ZNF471: variants seen among roughly 807,000 people sequenced by gnomAD.
ZNF471 encodes the protein EZFIT-related protein 1.
ZNF471 carries 7 observed loss-of-function variants against 13.7 expected under a neutral mutation model. The ratio of observed to expected loss-of-function variants is 0.51; its 90% confidence interval spans 0.29 to 0.96. The LOEUF is 0.96. ZNF471 is among the 40% of genes least tolerant of loss of function. ZNF471 has a pLI of 0.08. For synonymous variants in ZNF471, 218 were observed against 235.6 expected, an observed-to-expected ratio of 0.93 and a Z score of 0.68; for missense variants, 663 against 743.3, an observed-to-expected ratio of 0.89 and a Z score of 1.26.
rs1205642080 is a variant in ZNF471, at chr19:56,524,707, A to C, written c.640A>C (p.Thr214Pro). 1 of 1,584,576 alleles carries C rather than the reference A, an allele frequency of 6.3e-7. No homozygotes were observed. Among genetic ancestry groups the C allele is most frequent in the Non-Finnish European group, 8.5e-7 (1 of 1,170,952 alleles). ...KLFKCNECDKTFTHSSSLTVH... is the reference protein window; with the variant it reads ...KLFKCNECDKPFTHSSSLTVH... Reference sequence around the variant, plus strand: ...TTTTAAATGTAATGAATGTGACAAAACCTTCACCCATAGCTCATCCCTTAC... The same window carrying C: ...TTTTAAATGTAATGAATGTGACAAACCCTTCACCCATAGCTCATCCCTTAC... The change falls in exon 5 of 5, where the codon ACC (threonine) becomes CCC (proline). Residue 214 changes from threonine (T) to proline (P), a missense_variant. Coordinates refer to ENST00000308031, the MANE Select transcript of ZNF471 (RefSeq NM_020813.4). This position sits in a 1 kb window ranked among gnomAD's most constrained non-coding sequence, Gnocchi z 4.8.
chr19:56,511,791 T>C (rs1568471433), intron 2 of ZNF471, among the ~76,000 whole-genome samples, 187 bp downstream of exon 2: 1 of 152,246 alleles, frequency 6.6e-6, no homozygotes, highest in Non-Finnish European at 1.5e-5. Flanking sequence ...TAAAAAGTCA[T>C]GGAGGTCCCT....
chr19:56,528,689 C>T lies in ZNF471; in HGVS notation c.*2741C>T. Reference sequence around the variant, plus strand: ...ATTAATTATGACTTGATAAATAGAACATGTTTTAAGAAGTGGCTATATAGC... The same window carrying T: ...ATTAATTATGACTTGATAAATAGAATATGTTTTAAGAAGTGGCTATATAGC... On this transcript the variant is annotated 3_prime_UTR_variant, in exon 5 of 5. Coordinates refer to ENST00000308031, the MANE Select transcript of ZNF471 (RefSeq NM_020813.4). The T allele has an allele frequency of 6.6e-6, 1 of 152,118 alleles. No homozygotes were observed. Among genetic ancestry groups the T allele is most frequent in the East Asian group, 1.9e-4 (1 of 5,194 alleles). The allele number at this position is 152,118 out of a possible 1,614,324, so 9.4% of individuals were successfully genotyped here. A position where few individuals can be genotyped will look rare whatever the true frequency, so the allele number is the denominator to read the frequency against.
At chr19:56,513,008 CAT>C (rs1226377890) in intron 2 of ZNF471, among the ~76,000 whole-genome samples, 4 of 152,094 alleles carry the variant, frequency 2.6e-5, no homozygotes, top group African/African-American at 9.7e-5. Flanking sequence ...AGTTACCTAA[CAT>C]AATTTTCCAA....
At chr19:56,523,057 G>A (rs2147925809) in intron 4 of ZNF471, among the ~76,000 whole-genome samples, 1 of 152,272 alleles carries the variant, frequency 6.6e-6, no homozygotes, top group East Asian at 1.9e-4. Flanking sequence ...AATTTTTAAA[G>A]CACATTTATT....
rs902915236 is a variant in ZNF471, at chr19:56,510,341, G to T, written c.-55-1176G>T. Reference sequence around the variant, plus strand: ...GTGAAAGAGGGAGAGAAAGACTAGTGATGTGGTTGTGTGAGAGACCAAAAT... The same window carrying T: ...GTGAAAGAGGGAGAGAAAGACTAGTTATGTGGTTGTGTGAGAGACCAAAAT... On this transcript the variant is annotated intron_variant, in intron 1 of 4. Coordinates refer to ENST00000308031, the MANE Select transcript of ZNF471 (RefSeq NM_020813.4). This position sits in a 1 kb window ranked among gnomAD's most constrained non-coding sequence, Gnocchi z 4.3. The T allele has an allele frequency of 1.0e-6, 1 of 985,514 alleles. No individual in the cohort carries two copies. The allele number at this position is 985,514 out of a possible 1,614,324, so 61.0% of individuals were successfully genotyped here. A position where few individuals can be genotyped will look rare whatever the true frequency, so the allele number is the denominator to read the frequency against.
chr19:56,509,737 G>GTA (rs1330447086), intron 1 of ZNF471: 2 of 259,922 alleles, frequency 7.7e-6, no homozygotes, highest in African/African-American at 4.7e-5. Context: ...GTGTGTGTGT[G>GTA]TGTGTGTGTG....
Position 56,516,219 on chromosome 19 carries a change from CAG to C in ZNF471, c.34-53_34-52del. 1 of 1,583,774 alleles carries C rather than the reference CAG, an allele frequency of 6.3e-7. No individual in the cohort carries two copies. Among genetic ancestry groups the C allele is most frequent in the Non-Finnish European group, 8.6e-7 (1 of 1,157,500 alleles). ...AAAGTAGAGACACTTTGGATCAACT[CAG>C]AGTTATCTTTGGACACGAGCATTGG... On this transcript the variant is annotated intron_variant, in intron 2 of 4. Transcript: ENST00000308031. This position sits in a 1 kb window ranked among gnomAD's most constrained non-coding sequence, Gnocchi z 4.4.
In ZNF471 at chr19:56,529,012, G is replaced by A. The variant is rs1267659626; in HGVS notation, c.*3064G>A. ...CAAGGGGAAAGAAATGAAATTATAG[G>A]TGAGTTTACTTAGTTATATACAAAA... On this transcript the variant is annotated 3_prime_UTR_variant, in exon 5 of 5. Coordinates refer to ENST00000308031, the MANE Select transcript of ZNF471 (RefSeq NM_020813.4). 1 of 152,134 alleles carries A rather than the reference G, an allele frequency of 6.6e-6. No homozygotes were observed. Among genetic ancestry groups the A allele is most frequent in the African/African-American group, 2.4e-5 (1 of 41,440 alleles). The allele number at this position is 152,134 out of a possible 1,614,324, so 9.4% of individuals were successfully genotyped here. A position where few individuals can be genotyped will look rare whatever the true frequency, so the allele number is the denominator to read the frequency against.
In ZNF471 at chr19:56,524,874, A is replaced by G; in HGVS notation, c.807A>G (p.Lys269=). 6.2e-7 allele frequency: 1 copy of G among 1,611,006 alleles called. No individual in the cohort carries two copies. Among genetic ancestry groups the G allele is most frequent in the African/African-American group, 1.3e-5 (1 of 74,840 alleles). The part of the protein sequence containing the change: ...EKLFECKECR[K]AFKQSEHLIQ... The stretch of plus-strand genomic sequence containing the variant: ...TCTTTGAATGTAAAGAATGTAGGAA[A>G]GCCTTCAAACAAAGTGAACACCTTA... Residue 269 remains lysine, a synonymous_variant, in exon 5 of 5, where the codon AAA becomes AAG. Coordinates refer to ENST00000308031, the MANE Select transcript of ZNF471 (RefSeq NM_020813.4). This position sits in a 1 kb window ranked among gnomAD's most constrained non-coding sequence, Gnocchi z 4.8.
In ZNF471 at chr19:56,518,489, C is replaced by A. The variant is rs2043924659; in HGVS notation, c.168C>A (p.Cys56Ter). ...NYQSLVSLGL[C>*]ISKPYVISLL... ...TCTTTTTTTTATATGTAGGTCTTTG[C>A]ATTTCTAAGCCATATGTGATCTCCT... Residue 56 changes from cysteine (C) to a stop codon, truncating the protein, a stop_gained, in exon 4 of 5, where the codon TGC becomes TGA. Coordinates refer to ENST00000308031, the MANE Select transcript of ZNF471 (RefSeq NM_020813.4). LOFTEE classifies it high-confidence loss of function. 1 of 1,611,884 alleles carries A rather than the reference C, an allele frequency of 6.2e-7. No individual in the cohort carries two copies. Among genetic ancestry groups the A allele is most frequent in the South Asian group, 1.1e-5 (1 of 90,554 alleles).
Position 56,529,333 on chromosome 19 carries a change from C to T in ZNF471, c.*3385C>T, listed in dbSNP as rs1379606589. ...AGTCAGCATCCCATTTGACTCCTTA[C>T]ACAGAAGTTCATTCTATACTCATTA... On this transcript the variant is annotated 3_prime_UTR_variant, in exon 5 of 5. Transcript: ENST00000308031. 1.3e-5 allele frequency: 2 copies of T among 151,818 alleles called. No homozygotes were observed. The highest frequency in any genetic ancestry group is 2.9e-5 in the Non-Finnish European group (2 of 67,986). The allele number at this position is 151,818 out of a possible 1,614,324, so 9.4% of individuals were successfully genotyped here.
At position 56,507,894 on chromosome 19, in the gene ZNF471, G is replaced by A. The variant is rs2043753209; in HGVS notation, c.-82G>A. 7 of 985,556 alleles carry A rather than the reference G, an allele frequency of 7.1e-6. No homozygotes were observed. The highest frequency in any genetic ancestry group is 8.4e-6 in the Non-Finnish European group (7 of 829,982). 61.1% of individuals were successfully genotyped at this position (985,556 alleles called of 1,614,324 possible). ...GACTCACGGAGTCCTTCGGATGAGA[G>A]CGTCTGGGTGCCAGACGAGGCCGGG... On this transcript the variant is annotated 5_prime_UTR_variant, in exon 1 of 5. Coordinates refer to ENST00000308031, the MANE Select transcript of ZNF471 (RefSeq NM_020813.4).
intron 2 of ZNF471, among the ~76,000 whole-genome samples, chr19:56,513,592 T>C (rs2147907754): frequency 6.6e-6 from 1 of 152,224 alleles, no homozygotes; most frequent in South Asian, 2.1e-4. Flanking sequence ...ATTTAATTGT[T>C]TTATGTAATT....
chr19:56,519,289 C>T (rs982180936), intron 4 of ZNF471, among the ~76,000 whole-genome samples: 1 of 152,172 alleles, frequency 6.6e-6, no homozygotes, highest in Non-Finnish European at 1.5e-5. Flanking sequence ...TTAGGGTCAA[C>T]TTTTCTGAAC....
At position 56,510,989 on chromosome 19, in the gene ZNF471, C is replaced by T. The variant is rs2043801710; in HGVS notation, c.-55-528C>T. The T allele has an allele frequency of 2.0e-6, 2 of 984,740 alleles. No homozygotes were observed. The highest frequency in any genetic ancestry group is 1.8e-5 in the African/African-American group (1 of 56,500). 61.0% of individuals were successfully genotyped at this position (984,740 alleles called of 1,614,324 possible). The stretch of plus-strand genomic sequence containing the variant: ...TCGTTTCAGGGTGAGGAAAGTGAAA[C>T]AGTGCCGGGGGGTGGGTCAGGGATG... On this transcript the variant is annotated intron_variant, in intron 1 of 4. Coordinates refer to ENST00000308031, the MANE Select transcript of ZNF471 (RefSeq NM_020813.4). The surrounding 1 kb of genome is among the most constrained non-coding windows in gnomAD (Gnocchi z 4.3).
chr19:56,513,275 C>T (rs2043834910), intron 2 of ZNF471, among the ~76,000 whole-genome samples: 1 of 152,172 alleles, frequency 6.6e-6, no homozygotes, highest in Non-Finnish European at 1.5e-5. Context: ...GATAAAGATG[C>T]AGTCCATTAA....
In ZNF471 at chr19:56,525,104, A is replaced by G; in HGVS notation, c.1037A>G (p.Tyr346Cys). ...HQRCHTGKRP[Y>C]ECIECGKAFR... Reference sequence around the variant, plus strand: ...AGATGTCACACTGGCAAAAGACCCTATGAATGTATTGAGTGTGGGAAGGCT... The same window carrying G: ...AGATGTCACACTGGCAAAAGACCCTGTGAATGTATTGAGTGTGGGAAGGCT... The change falls in exon 5 of 5, where the codon TAT becomes TGT. Residue 346 changes from tyrosine (Y) to cysteine (C), a missense_variant. Coordinates refer to ENST00000308031, the MANE Select transcript of ZNF471 (RefSeq NM_020813.4). 6.2e-7 allele frequency: 1 copy of G among 1,614,088 alleles called. No homozygotes were observed. The highest frequency in any genetic ancestry group is 1.3e-5 in the African/African-American group (1 of 75,030).
intron 4 of ZNF471, 94 bp downstream of exon 4, chr19:56,518,671 C>T (rs2043927320): frequency 9.6e-7 from 1 of 1,043,094 alleles, no homozygotes; most frequent in Non-Finnish European, 1.4e-6. Context: ...ATCTCAGAAA[C>T]TCTTCATAAG....
chr19:56,524,390 TGGAG>T lies in ZNF471; in HGVS notation c.327_330del (p.Gly110LeufsTer36). On this transcript the variant is annotated frameshift_variant, in exon 5 of 5. Transcript: ENST00000308031. LOFTEE classifies it low-confidence loss of function (END_TRUNC). This position sits in a 1 kb window ranked among gnomAD's most constrained non-coding sequence, Gnocchi z 4.8. ...CAGTTCATGTATGATGATGCATGCATGGAGGGAATTACTAGCTATGGACTTGAGT... is the reference window on the plus strand; with the variant it reads ...CAGTTCATGTATGATGATGCATGCATGGAATTACTAGCTATGGACTTGAGT... The T allele has an allele frequency of 6.2e-7, 1 of 1,612,074 alleles. No individual in the cohort carries two copies. The highest frequency in any genetic ancestry group is 8.5e-7 in the Non-Finnish European group (1 of 1,179,440).
Sources: gnomAD v4.1 joint callset for allele counts (sites outside exome capture counted in the v4.1 genomes callset) on GRCh38, gnomAD v4.1.1 for gene constraint, Gnocchi (gnomAD v3.1) non-coding constraint, MANE v1.5 for transcripts, NCBI Gene and HGNC (gene_info 2026-07-23, HGNC 2026-07-21) for gene names.